The following AFDN variants were observed in gnomAD, a reference collection of about 807,000 sequenced individuals.
AFDN encodes the protein afadin.
A neutral mutation model predicts 216.6 loss-of-function variants in AFDN; 68 were observed. That is an observed-to-expected ratio of 0.31 (90% CI 0.26 to 0.38). The LOEUF is 0.38. Among genes scored for constraint, AFDN ranks in the 10% least tolerant of loss-of-function variants. AFDN has a pLI of 1.00. For missense variants in AFDN, 2,136 were observed against 2,342.0 expected, an observed-to-expected ratio of 0.91 and a Z score of 1.82; for synonymous variants, 868 against 853.7, an observed-to-expected ratio of 1.02 and a Z score of -0.29.
Position 167,934,776 on chromosome 6 carries a change from G to C in AFDN, c.3100-8353G>C, listed in dbSNP as rs572551543. Among the ~76,000 whole-genome samples, 253 of 152,260 alleles carry C rather than the reference G, an allele frequency of 1.7e-3. 2 individuals carry two copies. Among genetic ancestry groups the C allele is most frequent in the Non-Finnish European group, 3.0e-3 (204 of 67,996 alleles). ...ACGTTGTACTCCCACACGCACTCAGGGTTTGCTACTGGAATGTTTGAAGCC... is the reference window on the plus strand; with the variant it reads ...ACGTTGTACTCCCACACGCACTCAGCGTTTGCTACTGGAATGTTTGAAGCC... On this transcript the variant is annotated intron_variant, in intron 23 of 33. Transcript: ENST00000683244.
intron 31 of AFDN, chr6:167,964,173 T>A (rs1417): frequency 0.083 from 88,171 of 1,063,464 alleles, 4,308 homozygotes; most frequent in South Asian, 0.22. Context: ...TATAATTAAG[T>A]GGTCACTGTA....
intron 30 of AFDN, among the ~76,000 whole-genome samples, chr6:167,956,114 CAAA>C (rs59521151): frequency 0.013 from 537 of 41,272 alleles, 1 homozygote; most frequent in African/African-American, 0.041. Context: ...GACTTTGGCT[CAAA>C]AAAAAAAAAA....
In AFDN at chr6:167,952,727, A is replaced by T. The variant is rs767972198; in HGVS notation, c.4833+540A>T. ...CTGTCTGGCCCCTGGTCTTGTCAGC[A>T]TTTTGTGGTGGTGAACAAAAGAAAC... On this transcript the variant is annotated intron_variant, in intron 30 of 33. Coordinates refer to ENST00000683244, the MANE Select transcript of AFDN (RefSeq NM_001386888.1). 2.1e-4 allele frequency among the ~76,000 whole-genome samples: 32 copies of T among 152,228 alleles called. 1 individual carries two copies. Among genetic ancestry groups the T allele is most frequent in the Non-Finnish European group, 4.4e-5 (3 of 68,036 alleles).
intron 12 of AFDN, among the ~76,000 whole-genome samples, chr6:167,905,527 T>C (rs747162849): frequency 3.7e-4 from 56 of 152,316 alleles, no homozygotes; most frequent in Admixed American, 1.5e-3. Flanking sequence ...GGGGTCCTTT[T>C]CTGGACTCTG....
chr6:167,962,657 T>A lies in AFDN; in HGVS notation c.4968+90T>A. ...GGCAGAGCGGGCTGGAAGTTCTGTG[T>A]TTCTTAAGAAGCACGAGGCAGAGCA... On this transcript the variant is annotated intron_variant, in intron 31 of 33. Coordinates refer to ENST00000683244, the MANE Select transcript of AFDN (RefSeq NM_001386888.1). The surrounding 1 kb of genome is among the most constrained non-coding windows in gnomAD (Gnocchi z 5.2). 1 of 1,595,308 alleles carries A rather than the reference T, an allele frequency of 6.3e-7. No homozygotes were observed. The highest frequency in any genetic ancestry group is 8.6e-7 in the Non-Finnish European group (1 of 1,167,614).
intron 23 of AFDN, among the ~76,000 whole-genome samples, chr6:167,926,671 A>G (rs1212051914): frequency 1.3e-5 from 2 of 152,198 alleles, no homozygotes; most frequent in African/African-American, 4.8e-5. Flanking sequence ...CCTGGCCTCA[A>G]CCAGTCCTCC....
In AFDN at chr6:167,962,562, G is replaced by A; in HGVS notation, c.4963G>A (p.Glu1655Lys). Residue 1655 changes from glutamate to lysine, a missense_variant, in exon 31 of 34, where the codon GAA (glutamate) becomes AAA (lysine). Physicochemically the swap from Glu to Lys is moderately conservative, Grantham distance 56. This residue lies in a region of AFDN where 981 missense variants were observed against 966.0 expected (regional missense o/e 1.02). Coordinates refer to ENST00000683244, the MANE Select transcript of AFDN (RefSeq NM_001386888.1). This position sits in a 1 kb window ranked among gnomAD's most constrained non-coding sequence, Gnocchi z 5.2. ...EEERTKRDAE[E>K]KRRQEEGYYS... ...GGAGCGAACAAAACGAGACGCTGAAGAAAAGGTTATGGTCCTTTAAGGGCA... is the reference window on the plus strand; with the variant it reads ...GGAGCGAACAAAACGAGACGCTGAAAAAAAGGTTATGGTCCTTTAAGGGCA... 1 of 1,613,938 alleles carries A rather than the reference G, an allele frequency of 6.2e-7. No individual in the cohort carries two copies. The highest frequency in any genetic ancestry group is 8.5e-7 in the Non-Finnish European group (1 of 1,179,854).
At chr6:167,841,451 T>A (rs957344361) in intron 1 of AFDN, among the ~76,000 whole-genome samples, 2 of 151,796 alleles carry the variant, frequency 1.3e-5, no homozygotes, top group Non-Finnish European at 2.9e-5. Flanking sequence ...GGGAACTGGC[T>A]AAGTGTACTG....
intron 12 of AFDN, among the ~76,000 whole-genome samples, chr6:167,905,081 T>C (rs1789495563): frequency 6.6e-6 from 1 of 152,178 alleles, no homozygotes; most frequent in Non-Finnish European, 1.5e-5. Flanking sequence ...TGCTTTTGTC[T>C]TTGCTTTTCA....
intron 1 of AFDN, among the ~76,000 whole-genome samples, chr6:167,862,222 C>T (rs1393554859): frequency 2.6e-5 from 4 of 151,980 alleles, no homozygotes; most frequent in African/African-American, 9.7e-5. Context: ...GTGGGGAGAA[C>T]GAAGGTGAAG....
chr6:167,964,907 T>A (rs1797386942), intron 31 of AFDN: 1 of 1,062,668 alleles, frequency 9.4e-7, no homozygotes, highest in East Asian at 5.1e-5. Flanking sequence ...TTAACAAAAC[T>A]GTGCTGTTAC....
intron 1 of AFDN, among the ~76,000 whole-genome samples, chr6:167,860,897 T>G (rs999302410): frequency 6.6e-5 from 10 of 152,228 alleles, no homozygotes; most frequent in African/African-American, 2.4e-4. Flanking sequence ...TTCATTCATT[T>G]GTTTCTTCTG....
At chr6:167,846,037 C>G (rs1166539652) in intron 1 of AFDN, among the ~76,000 whole-genome samples, 1 of 152,120 alleles carries the variant, frequency 6.6e-6, no homozygotes, top group African/African-American at 2.4e-5. Flanking sequence ...ATGGGGGAAA[C>G]TGCCTCCATG....
intron 1 of AFDN, among the ~76,000 whole-genome samples, chr6:167,840,377 A>C (rs1230970346): frequency 6.6e-6 from 1 of 152,084 alleles, no homozygotes; most frequent in Non-Finnish European, 1.5e-5. Flanking sequence ...TTTGACATCA[A>C]GTTTGACCAT....
intron 1 of AFDN, among the ~76,000 whole-genome samples, chr6:167,830,089 A>G (rs1333660545): frequency 6.6e-6 from 1 of 152,238 alleles, no homozygotes; most frequent in African/African-American, 2.4e-5. Context: ...CTTGATTACT[A>G]TGAAAAGCTG....
intron 13 of AFDN, among the ~76,000 whole-genome samples, chr6:167,908,833 C>G (rs1790035843): frequency 6.6e-6 from 1 of 152,108 alleles, no homozygotes; most frequent in African/African-American, 2.4e-5. Flanking sequence ...ATGAGCCTTT[C>G]TGCTCCATTC....
At position 167,946,699 on chromosome 6, in the gene AFDN, G is replaced by A. The variant is rs764468078; in HGVS notation, c.3359-8G>A. The A allele has an allele frequency of 1.2e-6, 2 of 1,612,302 alleles. No individual in the cohort carries two copies. The highest frequency in any genetic ancestry group is 1.7e-6 in the Non-Finnish European group (2 of 1,178,774). On this transcript the variant is annotated splice_polypyrimidine_tract_variant and splice_region_variant and intron_variant, in intron 26 of 33. Transcript: ENST00000683244. Reference sequence around the variant, plus strand: ...TCTTAAGAGATACTGAATATGCTTTGATTCCAGTTTCAGATCGTCGTGGCT... The same window carrying A: ...TCTTAAGAGATACTGAATATGCTTTAATTCCAGTTTCAGATCGTCGTGGCT...
At chr6:167,944,901 G>A (rs1213702258) in intron 26 of AFDN, among the ~76,000 whole-genome samples, 1 of 152,144 alleles carries the variant, frequency 6.6e-6, no homozygotes, top group East Asian at 1.9e-4. Context: ...GTGAGTGAAT[G>A]TGAAGGCCCA....
At chr6:167,875,246 G>A in intron 4 of AFDN, 89 bp from the exon 5 acceptor site, 1 of 1,253,626 alleles carries the variant, frequency 8.0e-7, no homozygotes, top group Non-Finnish European at 1.1e-6. Flanking sequence ...AATAGCACCT[G>A]CCATTTTGAT....
Sources: gnomAD v4.1 joint callset for allele counts (sites outside exome capture counted in the v4.1 genomes callset) on GRCh38, gnomAD v4.1.1 for gene constraint, gnomAD v4.1.1 regional missense constraint, Gnocchi (gnomAD v3.1) non-coding constraint, MANE v1.5 for transcripts, NCBI Gene and HGNC (gene_info 2026-07-23, HGNC 2026-07-21) for gene names.